Variants in HLA-DPA1 observed in about 807,000 individuals in gnomAD.
HLA-DPA1 encodes HLA class II histocompatibility antigen, DP alpha 1 chain.
A neutral mutation model predicts 21.5 loss-of-function variants in HLA-DPA1; 20 were observed. The observed-to-expected ratio is 0.93, with a 90% CI of 0.66 to 1.35. The LOEUF (loss-of-function observed/expected upper bound fraction) is 1.35, where lower values mean the gene tolerates loss of function less well. HLA-DPA1 is among the 40% of genes most tolerant of loss of function. The pLI is 0.00. For missense variants in HLA-DPA1, 279 were observed against 323.0 expected, an observed-to-expected ratio of 0.86 and a Z score of 1.05; for synonymous variants, 123 against 129.6, an observed-to-expected ratio of 0.95 and a Z score of 0.35.
At chr6:33,067,829 G>T in intron 5 of HLA-DPA1, 1 of 150,228 alleles carries the variant, frequency 6.7e-6, no homozygotes. Context: ...AGTAAGGACT[G>T]GAGATAAAAG....
chr6:33,070,410 T>C (rs59964828), intron 2 of HLA-DPA1, among the ~76,000 whole-genome samples: 43,903 of 151,948 alleles, frequency 0.29, 8,363 homozygotes, highest in East Asian at 0.69. Context: ...GATCTTAATT[T>C]TTCTATGACA....
At chr6:33,069,471 C>T in intron 3 of HLA-DPA1, 170 bp downstream of exon 2, 1 of 1,045,214 alleles carries the variant, frequency 9.6e-7, no homozygotes, top group Non-Finnish European at 1.4e-6. Context: ...CTTTCTCTCT[C>T]CTGAGAAGAG....
rs146466401 is a variant in HLA-DPA1, at chr6:33,073,798, G to A, written c.-99-129C>T. The A allele has an allele frequency of 2.1e-3, 1,090 of 514,936 alleles. 13 individuals are homozygous for A. The highest frequency in any genetic ancestry group is 0.011 in the East Asian group (350 of 32,174). 31.9% of individuals were successfully genotyped at this position (514,936 alleles called of 1,614,324 possible). A position where few individuals can be genotyped will look rare whatever the true frequency, so the allele number is the denominator to read the frequency against. ...CTGGGGAAGAGATGGGAGAATTTTAGGTACCAGCGTGGTCAAGAGAGCTCC... is the reference window on the plus strand; with the variant it reads ...CTGGGGAAGAGATGGGAGAATTTTAAGTACCAGCGTGGTCAAGAGAGCTCC... On this transcript the variant is annotated intron_variant, in intron 1 of 5. Coordinates refer to ENST00000419277, the Ensembl canonical transcript of HLA-DPA1.
At chr6:33,071,773 T>C (rs374286631) in intron 2 of HLA-DPA1, among the ~76,000 whole-genome samples, 2 of 151,766 alleles carry the variant, frequency 1.3e-5, no homozygotes, top group African/African-American at 4.9e-5. Flanking sequence ...ATGGCTTCAA[T>C]GTAGGCATTC....
intron 2 of HLA-DPA1, among the ~76,000 whole-genome samples, chr6:33,071,192 G>C (rs1360897898): frequency 1.3e-5 from 2 of 151,310 alleles, no homozygotes; most frequent in African/African-American, 4.9e-5. Context: ...TAAGTGTCTA[G>C]AGGGTATGAC....
intron 1 of HLA-DPA1, among the ~76,000 whole-genome samples, chr6:33,075,664 T>A (rs1233265957): frequency 6.6e-6 from 1 of 152,122 alleles, no homozygotes; most frequent in African/African-American, 2.4e-5. Context: ...TGTGGCAGAA[T>A]TGGGGAAATG....
Position 33,076,072 on chromosome 6 carries a change from C to T in HLA-DPA1, c.-99-2403G>A, listed in dbSNP as rs777782877. On this transcript the variant is annotated intron_variant, in intron 1 of 5. Transcript: ENST00000419277. ...GGTTCTGCAGGTTTCTGCGGCCCCC[C>T]GGACAGTGGCTCTGACGGCGTTACT... The T allele has an allele frequency of 2.6e-5, 42 of 1,612,572 alleles. No individual in the cohort carries two copies. The Middle Eastern group carries it at 4.9e-4, about 19-fold the overall frequency.
In HLA-DPA1 at chr6:33,080,388, G is replaced by A. The variant is rs1762770540; in HGVS notation, c.-100+292C>T. ...TCTCCGCCTCCTCCAGCCACCAGCA[G>A]AAGGGACTGCCTTCCCCTCAGTGCT... On this transcript the variant is annotated intron_variant, in intron 1 of 5. Transcript: ENST00000419277. This position sits in a 1 kb window ranked among gnomAD's most constrained non-coding sequence, Gnocchi z 4.3. The A allele has an allele frequency of 3.1e-6, 2 of 637,382 alleles. No individual in the cohort carries two copies. The highest frequency in any genetic ancestry group is 5.9e-6 in the Non-Finnish European group (2 of 336,904). The allele number at this position is 637,382 out of a possible 1,614,324, so 39.5% of individuals were successfully genotyped here. A position where few individuals can be genotyped will look rare whatever the true frequency, so the allele number is the denominator to read the frequency against.
At chr6:33,071,901 T>C (rs1762299826) in intron 2 of HLA-DPA1, among the ~76,000 whole-genome samples, 1 of 152,172 alleles carries the variant, frequency 6.6e-6, no homozygotes, top group South Asian at 2.1e-4. Flanking sequence ...GGAGAAATAA[T>C]ACATAGATAT....
intron 1 of HLA-DPA1, chr6:33,079,908 C>A: frequency 4.0e-6 from 1 of 253,048 alleles, no homozygotes; most frequent in African/African-American, 2.3e-5. Flanking sequence ...TAAAAACTGC[C>A]AAAAAAAATT....
intron 2 of HLA-DPA1, among the ~76,000 whole-genome samples, chr6:33,070,214 C>G (rs67325643): frequency 0.29 from 43,535 of 152,140 alleles, 8,162 homozygotes; most frequent in East Asian, 0.66. Context: ...TGAGCACTTA[C>G]TTGTGCCAGG....
intron 1 of HLA-DPA1, among the ~76,000 whole-genome samples, chr6:33,075,652 G>A (rs943810040): frequency 6.6e-6 from 1 of 152,148 alleles, no homozygotes; most frequent in Non-Finnish European, 1.5e-5. Context: ...GGGTGTGTGA[G>A]GTGTGGCAGA....
At chr6:33,070,040 A>G (rs916951590) in intron 2 of HLA-DPA1, among the ~76,000 whole-genome samples, 154 bp from the exon 2 acceptor site, 9 of 152,256 alleles carry the variant, frequency 5.9e-5, no homozygotes, top group African/African-American at 2.2e-4. Context: ...GAGCAACACC[A>G]TAAAGGAAAT....
rs778261553 is a variant in HLA-DPA1, at chr6:33,069,771, G to C, written c.216C>G (p.Thr72=). 7 of 1,612,302 alleles carry C rather than the reference G, an allele frequency of 4.3e-6. No homozygotes were observed. In the Admixed American group the frequency reaches 8.3e-5, roughly 19 times the overall value. ...GGCCAAACTCCTCCAGATGCCAGAC[G>C]GTCTCCTTCTTGTCCAGATCCACAT... The change falls in exon 3 of 6, where the codon ACC becomes ACG. Residue 72 remains threonine, a synonymous_variant. Coordinates refer to ENST00000419277, the Ensembl canonical transcript of HLA-DPA1.
At chr6:33,078,517 T>C (rs1762671818) in intron 1 of HLA-DPA1, among the ~76,000 whole-genome samples, 3 of 152,158 alleles carry the variant, frequency 2.0e-5, no homozygotes, top group African/African-American at 7.2e-5. Context: ...GTTTTTAATA[T>C]ATCCTATTCT....
At chr6:33,074,296 C>G (rs1447359195) in intron 1 of HLA-DPA1, among the ~76,000 whole-genome samples, 1 of 152,070 alleles carries the variant, frequency 6.6e-6, no homozygotes, top group East Asian at 1.9e-4. Context: ...AGTGTAATAA[C>G]ATTTTTATCT....
At chr6:33,069,385 C>A in intron 3 of HLA-DPA1, 85 bp from the exon 3 acceptor site, 1 of 1,361,850 alleles carries the variant, frequency 7.3e-7, no homozygotes. Context: ...GGTCCTCTAC[C>A]TCAGCCTTAG....
chr6:33,069,242 G>A (rs1762130655), exon 4 of HLA-DPA1: 1 of 1,612,994 alleles, frequency 6.2e-7, no homozygotes, highest in Non-Finnish European at 8.5e-7. Flanking sequence ...GGCAGATGAG[G>A]GTGTTGGGCT....
intron 5 of HLA-DPA1, 21 bp downstream of exon 4, chr6:33,068,617 G>A (rs73400048): frequency 0.2 from 315,520 of 1,551,290 alleles, 43,299 homozygotes; most frequent in East Asian, 0.64. Context: ...AAATCCTAGG[G>A]CCTCCTCTTT....
Sources: gnomAD v4.1 joint callset for allele counts (sites outside exome capture counted in the v4.1 genomes callset) on GRCh38, gnomAD v4.1.1 for gene constraint, Gnocchi (gnomAD v3.1) non-coding constraint, MANE v1.5 for transcripts, NCBI Gene and HGNC (gene_info 2026-07-23, HGNC 2026-07-21) for gene names.